BICDL1: variants seen among roughly 807,000 people sequenced by gnomAD.
BICDL1 encodes the protein BICD family like cargo adaptor 1.
In BICDL1, 20 loss-of-function variants were observed where a neutral mutation model predicts 76.8. The observed-to-expected ratio is 0.26, with a 90% CI of 0.18 to 0.38. BICDL1 has a LOEUF of 0.38. Among genes scored for constraint, BICDL1 ranks in the 10% least tolerant of loss-of-function variants. The pLI, the probability that BICDL1 is intolerant of heterozygous loss-of-function variation, is 1.00. For synonymous variants in BICDL1, 383 were observed against 337.1 expected (o/e 1.14, Z -1.49); for missense variants, 700 against 798.6 (o/e 0.88, Z 1.49).
In BICDL1 at chr12:120,045,940, G is replaced by A. The variant is rs188264195; in HGVS notation, c.646-15770G>A. Among the ~76,000 whole-genome samples, 846 of 108,232 alleles carry A rather than the reference G, an allele frequency of 7.8e-3. 3 individuals carry two copies. The highest frequency in any genetic ancestry group is 0.018 in the Middle Eastern group (4 of 218). 71.0% of individuals were successfully genotyped at this position (108,232 alleles called of 152,430 possible). A position where few individuals can be genotyped will look rare whatever the true frequency, so the allele number is the denominator to read the frequency against. ...ATTATAATAATAATAATAATAAAAA[G>A]AAAGTATAAACATTTCACATTCCAG... On this transcript the variant is annotated intron_variant, in intron 2 of 9. Transcript: ENST00000548673.
intron 6 of BICDL1, 86 bp downstream of exon 6, chr12:120,072,815 A>G (rs1426915474): frequency 2.8e-6 from 3 of 1,081,928 alleles, no homozygotes; most frequent in Admixed American, 2.0e-5. Flanking sequence ...GAGGTCAGCC[A>G]TGGAACTGGA....
At chr12:120,053,391 ATTTC>A (rs1377287753) in intron 2 of BICDL1, among the ~76,000 whole-genome samples, 2 of 152,012 alleles carry the variant, frequency 1.3e-5, no homozygotes, top group Admixed American at 1.3e-4. Flanking sequence ...TATTTTCATC[ATTTC>A]TTCTACATTT....
intron 2 of BICDL1, among the ~76,000 whole-genome samples, chr12:120,013,761 C>T (rs996170732): frequency 5.3e-5 from 8 of 152,206 alleles, no homozygotes; most frequent in African/African-American, 1.4e-4. Context: ...CGTGTCCAGC[C>T]TTTAACCAGT....
intron 2 of BICDL1, among the ~76,000 whole-genome samples, chr12:120,001,117 G>A (rs1186589929): frequency 1.3e-5 from 2 of 151,796 alleles, no homozygotes; most frequent in African/African-American, 2.4e-5. Context: ...CAGCCCCTGG[G>A]GTTTCCATCA....
At chr12:120,058,080 G>A (rs113522755) in intron 2 of BICDL1, among the ~76,000 whole-genome samples, 4 of 151,824 alleles carry the variant, frequency 2.6e-5, no homozygotes, top group South Asian at 2.1e-4. Context: ...CGATCCACCC[G>A]CCTCGGCCTC....
intron 2 of BICDL1, among the ~76,000 whole-genome samples, chr12:120,007,083 GA>G (rs990293316): frequency 5.9e-5 from 9 of 151,872 alleles, no homozygotes; most frequent in African/African-American, 1.9e-4. Context: ...GAAGGTTAAA[GA>G]AAAAAAATAA....
chr12:120,065,233 T>TCAG (rs1415353032), intron 4 of BICDL1, among the ~76,000 whole-genome samples: 1 of 152,150 alleles, frequency 6.6e-6, no homozygotes, highest in African/African-American at 2.4e-5. Flanking sequence ...AGCCTGTGAC[T>TCAG]CTCTAACTCA....
chr12:120,051,570 G>A lies in BICDL1; in HGVS notation c.646-10140G>A, dbSNP rs541937156. On this transcript the variant is annotated intron_variant, in intron 2 of 9. Coordinates refer to ENST00000548673, the MANE Select transcript of BICDL1 (RefSeq NM_001367886.1). Reference sequence around the variant, plus strand: ...GAGATTATTTGATCTTCGGATTGAAGGTACCATCCTCCAAAGAGGATTTGC... The same window carrying A: ...GAGATTATTTGATCTTCGGATTGAAAGTACCATCCTCCAAAGAGGATTTGC... Among the ~76,000 whole-genome samples, 6 of 151,946 alleles carry A rather than the reference G, an allele frequency of 3.9e-5. No individual in the cohort carries two copies. In the South Asian group the frequency reaches 6.2e-4, roughly 16 times the overall value.
Position 120,094,239 on chromosome 12 carries a change from C to A in BICDL1, c.*1078C>A, listed in dbSNP as rs1367490867. Reference sequence around the variant, plus strand: ...GAGGCTCCGCGGCCCGGCCAGCCCTCAGCTGCTCACAACCGATTCAGTCTC... The same window carrying A: ...GAGGCTCCGCGGCCCGGCCAGCCCTAAGCTGCTCACAACCGATTCAGTCTC... On this transcript the variant is annotated 3_prime_UTR_variant, in exon 10 of 10. Coordinates refer to ENST00000548673, the MANE Select transcript of BICDL1 (RefSeq NM_001367886.1). The A allele has an allele frequency of 2.2e-6, 1 of 456,776 alleles. No homozygotes were observed. The highest frequency in any genetic ancestry group is 2.3e-5 in the Admixed American group (1 of 42,590). The allele number at this position is 456,776 out of a possible 1,614,324, so 28.3% of individuals were successfully genotyped here.
chr12:120,080,831 TGGAGGGAAAACCA>T, intron 7 of BICDL1, 43 bp from the exon 8 acceptor site: 1 of 1,592,044 alleles, frequency 6.3e-7, no homozygotes, highest in Non-Finnish European at 8.6e-7. Context: ...TTTTCCCTCT[TGGAGGGAAAACCA>T]CCCAGGACAG....
At chr12:120,065,089 A>G (rs1233759411) in intron 4 of BICDL1, among the ~76,000 whole-genome samples, 2 of 152,240 alleles carry the variant, frequency 1.3e-5, no homozygotes, top group East Asian at 3.8e-4. Flanking sequence ...GATCATTTCT[A>G]CAATGTGTTC....
intron 2 of BICDL1, among the ~76,000 whole-genome samples, chr12:120,046,786 T>C (rs1952758655): frequency 6.6e-6 from 1 of 152,182 alleles, no homozygotes; most frequent in Non-Finnish European, 1.5e-5. Flanking sequence ...TGAATCAAAA[T>C]CTCCAATTGC....
At chr12:120,033,024 C>T (rs188795379) in intron 2 of BICDL1, among the ~76,000 whole-genome samples, 29 of 152,210 alleles carry the variant, frequency 1.9e-4, no homozygotes, top group African/African-American at 6.3e-4. Flanking sequence ...GGATTACAGG[C>T]GTGAGCCACC....
At chr12:120,088,594 T>C (rs1167057526) in intron 8 of BICDL1, among the ~76,000 whole-genome samples, 2 of 152,066 alleles carry the variant, frequency 1.3e-5, no homozygotes, top group Non-Finnish European at 2.9e-5. Flanking sequence ...TGACCTCAGG[T>C]GATCCTTCCA....
chr12:120,072,935 A>G (rs1250020305), intron 6 of BICDL1, among the ~76,000 whole-genome samples: 1 of 152,146 alleles, frequency 6.6e-6, no homozygotes, highest in East Asian at 1.9e-4. Flanking sequence ...AGGTGGCACA[A>G]TCTCGGCTCA....
Position 120,094,415 on chromosome 12 carries a change from A to C in BICDL1, c.*1254A>C. The C allele has an allele frequency of 8.5e-6, 3 of 352,828 alleles. No individual in the cohort carries two copies. Among genetic ancestry groups the C allele is most frequent in the Non-Finnish European group, 1.7e-5 (3 of 172,438 alleles). 21.9% of individuals were successfully genotyped at this position (352,828 alleles called of 1,614,324 possible). A position where few individuals can be genotyped will look rare whatever the true frequency, so the allele number is the denominator to read the frequency against. On this transcript the variant is annotated 3_prime_UTR_variant, in exon 10 of 10. Coordinates refer to ENST00000548673, the MANE Select transcript of BICDL1 (RefSeq NM_001367886.1). ...TAATATACATATATAAAAATCTATA[A>C]AGGCATATTTTTAGAAAAACAGCAC...
At chr12:120,046,142 C>T (rs1952746458) in intron 2 of BICDL1, among the ~76,000 whole-genome samples, 1 of 152,176 alleles carries the variant, frequency 6.6e-6, no homozygotes, top group African/African-American at 2.4e-5. Flanking sequence ...CAAGTCCTCT[C>T]TGTTATTACT....
Position 120,036,395 on chromosome 12 carries a change from A to G in BICDL1, c.646-25315A>G, listed in dbSNP as rs553705033. Among the ~76,000 whole-genome samples the G allele has an allele frequency of 1.4e-4, 21 of 152,374 alleles. No individual in the cohort carries two copies. The South Asian group carries it at 1.7e-3, about 12-fold the overall frequency. ...CTTTCTGCTGCAGTGTAAACCAGCTATACTTTGTTCAGTCTGTGGAAACAA... is the reference window on the plus strand; with the variant it reads ...CTTTCTGCTGCAGTGTAAACCAGCTGTACTTTGTTCAGTCTGTGGAAACAA... On this transcript the variant is annotated intron_variant, in intron 2 of 9. Coordinates refer to ENST00000548673, the MANE Select transcript of BICDL1 (RefSeq NM_001367886.1).
intron 2 of BICDL1, among the ~76,000 whole-genome samples, chr12:120,030,137 C>A (rs1566229641): frequency 1.3e-5 from 2 of 150,868 alleles, no homozygotes; most frequent in African/African-American, 2.5e-5. Flanking sequence ...CACTTGGTAA[C>A]CCTTTGTGTG....
Sources: allele counts gnomAD v4.1 joint callset (sites outside exome capture counted in the v4.1 genomes callset), GRCh38; gene constraint gnomAD v4.1.1; transcripts MANE v1.5; gene names NCBI Gene and HGNC (gene_info 2026-07-23, HGNC 2026-07-21).